SPTLC2: variants seen among roughly 807,000 people sequenced by gnomAD.
SPTLC2 encodes the protein serine palmitoyltransferase 2.
In SPTLC2, 21 loss-of-function variants were observed where a neutral mutation model predicts 62.0. The observed-to-expected ratio is 0.34, with a 90% CI of 0.24 to 0.49. SPTLC2 has a LOEUF of 0.49. SPTLC2 is among the 20% of genes least tolerant of loss of function. SPTLC2 has a pLI of 0.99. For synonymous variants in SPTLC2, 261 were observed against 261.8 expected, an observed-to-expected ratio of 1.00 and a Z score of 0.03; for missense variants, 511 against 713.0, an observed-to-expected ratio of 0.72 and a Z score of 3.23.
intron 1 of SPTLC2, among the ~76,000 whole-genome samples, chr14:77,605,333 C>A (rs1214530913): frequency 6.6e-6 from 1 of 152,112 alleles, no homozygotes; most frequent in African/African-American, 2.4e-5. Flanking sequence ...ATTCTTATGT[C>A]ATGTTTGTGG....
chr14:77,593,495 G>A (rs1305296767), intron 2 of SPTLC2, among the ~76,000 whole-genome samples: 2 of 152,126 alleles, frequency 1.3e-5, no homozygotes, highest in Non-Finnish European at 2.9e-5. Context: ...ATAATCCATA[G>A]ATTGAGAAAA....
In SPTLC2 at chr14:77,613,440, T is replaced by C. The variant is rs142632609; in HGVS notation, c.132+3008A>G. 4.9e-3 allele frequency among the ~76,000 whole-genome samples: 744 copies of C among 152,342 alleles called. 4 individuals carry two copies. Among genetic ancestry groups the C allele is most frequent in the Middle Eastern group, 0.031 (9 of 294 alleles). On this transcript the variant is annotated intron_variant, in intron 1 of 11. Coordinates refer to ENST00000216484, the MANE Select transcript of SPTLC2 (RefSeq NM_004863.4). ...AAATTACTGCTCTATTGTTCAACTG[T>C]TACTATTGTGAAAACTGTGTGTCTA...
intron 4 of SPTLC2, among the ~76,000 whole-genome samples, chr14:77,574,604 A>G (rs1385895958): frequency 6.6e-6 from 1 of 152,208 alleles, no homozygotes; most frequent in Non-Finnish European, 1.5e-5. Flanking sequence ...AATGACCATC[A>G]AGTGATAAGT....
intron 10 of SPTLC2, among the ~76,000 whole-genome samples, chr14:77,520,431 CTG>C (rs1010509706): frequency 2.0e-5 from 3 of 152,216 alleles, no homozygotes; most frequent in African/African-American, 7.2e-5. Context: ...GTGTCGGAGA[CTG>C]TGGTGGACAC....
chr14:77,581,405 CTTTTTTT>C (rs1159561282), intron 2 of SPTLC2, among the ~76,000 whole-genome samples: 3 of 94,026 alleles, frequency 3.2e-5, no homozygotes, highest in Non-Finnish European at 4.0e-5. Context: ...TACCATCTCT[CTTTTTTT>C]TTTTTTTTTT....
At chr14:77,599,937 C>A (rs916112840) in intron 1 of SPTLC2, among the ~76,000 whole-genome samples, 11 of 152,134 alleles carry the variant, frequency 7.2e-5, no homozygotes, top group African/African-American at 2.4e-4. Flanking sequence ...CTGTTTAATA[C>A]CAGTGCTGAA....
In SPTLC2 at chr14:77,552,100, G is replaced by A. The variant is rs2079558476; in HGVS notation, c.1299C>T (p.Ser433=). 1 of 1,614,042 alleles carries A rather than the reference G, an allele frequency of 6.2e-7. No individual in the cohort carries two copies. ...TTCAAGAAAAGAAAGACTTACCAAG[G>A]CTGGTGCCATCCTGCCCCATGATGC... is the stretch of plus-strand genomic sequence containing the variant. The part of the protein sequence containing the change: ...MKCIMGQDGT[S]LGKECVQQLA... The change falls in exon 9 of 12, where the codon AGC becomes AGT. Residue 433 remains serine (S), a synonymous_variant. Transcript: ENST00000216484.
At chr14:77,612,362 A>G (rs910283136) in intron 1 of SPTLC2, among the ~76,000 whole-genome samples, 9 of 152,240 alleles carry the variant, frequency 5.9e-5, no homozygotes, top group African/African-American at 2.2e-4. Flanking sequence ...TTAAGAACAT[A>G]GCTGCTTACA....
chr14:77,522,136 G>A (rs1339041214), intron 9 of SPTLC2, among the ~76,000 whole-genome samples: 1 of 151,878 alleles, frequency 6.6e-6, no homozygotes, highest in Non-Finnish European at 1.5e-5. Context: ...GTTTCATTTT[G>A]TTGTTTCCTT....
intron 1 of SPTLC2, among the ~76,000 whole-genome samples, chr14:77,603,706 G>A (rs1007734198): frequency 6.6e-6 from 1 of 152,148 alleles, no homozygotes; most frequent in Non-Finnish European, 1.5e-5. Context: ...TTACCATTTT[G>A]CTATTGAAAA....
chr14:77,565,075 A>T (rs1451345678), intron 5 of SPTLC2, among the ~76,000 whole-genome samples: 2 of 151,868 alleles, frequency 1.3e-5, no homozygotes, highest in Non-Finnish European at 2.9e-5. Flanking sequence ...CCCCATCTCT[A>T]CTAAGAAATA....
At position 77,531,420 on chromosome 14, in the gene SPTLC2, T is replaced by TTTC. The variant is rs145629888; in HGVS notation, c.1304-9842_1304-9840dup. ...GTTATTTCTTCACAGGGACCATGAC[T>TTTC]TTCTTCTTCTTCTTCTTCTTCTTCT... On this transcript the variant is annotated intron_variant, in intron 9 of 11. Transcript: ENST00000216484. Among the ~76,000 whole-genome samples, 623 of 129,738 alleles carry TTTC rather than the reference T, an allele frequency of 4.8e-3. 18 individuals carry two copies. The highest frequency in any genetic ancestry group is 6.8e-3 in the Non-Finnish European group (427 of 62,740). The allele number at this position is 129,738 out of a possible 152,430, so 85.1% of individuals were successfully genotyped here.
intron 5 of SPTLC2, 113 bp downstream of exon 5, chr14:77,570,271 G>A: frequency 3.0e-6 from 4 of 1,331,334 alleles, no homozygotes; most frequent in Non-Finnish European, 4.2e-6. Context: ...AATATCTTTG[G>A]CTAAACTATG....
intron 9 of SPTLC2, among the ~76,000 whole-genome samples, chr14:77,537,853 C>T (rs7157643): frequency 0.96 from 146,300 of 152,328 alleles, 70,547 homozygotes; most frequent in East Asian, 1. Flanking sequence ...GGTAAGCAGA[C>T]AATAAACGGC....
intron 4 of SPTLC2, among the ~76,000 whole-genome samples, chr14:77,574,991 T>C (rs1372385255): frequency 6.6e-6 from 1 of 152,140 alleles, no homozygotes; most frequent in African/African-American, 2.4e-5. Context: ...GAGAATCACT[T>C]GAGGCCAGGA....
At chr14:77,531,791 C>CACTTGCCACTGGGATTACAGGCA (rs2079442469) in intron 9 of SPTLC2, among the ~76,000 whole-genome samples, 1 of 152,016 alleles carries the variant, frequency 6.6e-6, no homozygotes. Context: ...GGATTACAGG[C>CACTTGCCACTGGGATTACAGGCA]GTGAGCCACT....
At chr14:77,548,498 G>A (rs781481895) in intron 9 of SPTLC2, among the ~76,000 whole-genome samples, 13 of 152,206 alleles carry the variant, frequency 8.5e-5, no homozygotes, top group Admixed American at 2.6e-4. Flanking sequence ...TTCCATTAGT[G>A]GACACGGATT....
intron 2 of SPTLC2, among the ~76,000 whole-genome samples, chr14:77,583,737 C>G (rs1312250375): frequency 6.6e-6 from 1 of 152,104 alleles, no homozygotes; most frequent in African/African-American, 2.4e-5. Flanking sequence ...TAAGAACAAC[C>G]TCTACACTCC....
At chr14:77,515,542 CTTTTT>C (rs71128633) in intron 11 of SPTLC2, among the ~76,000 whole-genome samples, 9 of 124,730 alleles carry the variant, frequency 7.2e-5, no homozygotes, top group African/African-American at 2.4e-4. Context: ...AAGGGAAAGG[CTTTTT>C]TTTTTTTTTT....
Sources: gnomAD v4.1 joint callset for allele counts (sites outside exome capture counted in the v4.1 genomes callset) on GRCh38, gnomAD v4.1.1 for gene constraint, MANE v1.5 for transcripts, NCBI Gene and HGNC (gene_info 2026-07-23, HGNC 2026-07-21) for gene names.